PADI3: variants seen among roughly 807,000 people sequenced by gnomAD.
PADI3 encodes the protein protein-arginine deiminase type-3.
PADI3 carries 53 observed loss-of-function variants against 71.5 expected under a neutral mutation model. The observed-to-expected ratio is 0.74, with a 90% CI of 0.59 to 0.93. PADI3 has a LOEUF of 0.93. Ranked by LOEUF, PADI3 falls within the 40% of genes least tolerant of loss-of-function variation. The pLI, the probability that PADI3 is intolerant of heterozygous loss-of-function variation, is 0.00. For synonymous variants in PADI3, 361 were observed against 347.5 expected (o/e 1.04, Z -0.43); for missense variants, 821 against 868.0 (o/e 0.95, Z 0.68).
intron 4 of PADI3, 90 bp from the exon 5 acceptor site, chr1:17,266,629 G>A: frequency 2.0e-6 from 2 of 983,876 alleles, no homozygotes; most frequent in African/African-American, 1.6e-5. Context: ...TCACAGGGTT[G>A]GGTGGTTACA....
At chr1:17,264,622 T>C (rs2073142661) in intron 3 of PADI3, among the ~76,000 whole-genome samples, 1 of 152,214 alleles carries the variant, frequency 6.6e-6, no homozygotes. Flanking sequence ...TCATATCATG[T>C]ATGTTCTTTT....
chr1:17,266,719 C>G lies in PADI3; in HGVS notation c.409C>G (p.Arg137Gly), dbSNP rs139823890. 1 of 1,612,516 alleles carries G rather than the reference C, an allele frequency of 6.2e-7. No individual in the cohort carries two copies. The highest frequency in any genetic ancestry group is 1.3e-5 in the African/African-American group (1 of 75,006). The change falls in exon 5 of 16, where the codon CGG becomes GGG. Residue 137 changes from arginine to glycine, a missense_variant and splice_region_variant. Transcript: ENST00000375460. ...GRQDRNFVDK[R>G]QWVWGPSGYG... ...ACTGGCTATGTTTTGTCATTGGCAG[C>G]GGCAGTGGGTCTGGGGGCCCAGTGG...
chr1:17,280,194 C>G (rs1323570111), intron 13 of PADI3, among the ~76,000 whole-genome samples, 156 bp from the exon 14 acceptor site: 1 of 152,238 alleles, frequency 6.6e-6, no homozygotes, highest in Non-Finnish European at 1.5e-5. Context: ...CAAGCTCAGA[C>G]AGGTGGAACC....
intron 3 of PADI3, among the ~76,000 whole-genome samples, chr1:17,262,501 C>T (rs529742445): frequency 1.3e-5 from 2 of 152,146 alleles, no homozygotes; most frequent in African/African-American, 4.8e-5. Context: ...ACATAAACTC[C>T]GTGCAAGATG....
chr1:17,259,540 C>A, intron 1 of PADI3, 38 bp from the exon 2 acceptor site: 3 of 1,524,966 alleles, frequency 2.0e-6, no homozygotes, highest in Non-Finnish European at 2.6e-6. Context: ...CAAAATATAT[C>A]TCCTTCGGCA....
rs1461283106 is a variant in PADI3, at chr1:17,276,567, C to G, written c.1356C>G (p.Ala452=). Residue 452 remains alanine (A), a synonymous_variant, in exon 12 of 16, where the codon GCC becomes GCG. Transcript: ENST00000375460. ...VTQVVRDFLH[A]QKVQPPVELF... Reference sequence around the variant, plus strand: ...AGGTGGTGCGGGACTTCCTCCATGCCCAGAAGGTGCAGCCCCCCGTGGAGC... The same window carrying G: ...AGGTGGTGCGGGACTTCCTCCATGCGCAGAAGGTGCAGCCCCCCGTGGAGC... 4 of 1,614,120 alleles carry G rather than the reference C, an allele frequency of 2.5e-6. No homozygotes were observed. Among genetic ancestry groups the G allele is most frequent in the Non-Finnish European group, 3.4e-6 (4 of 1,180,026 alleles).
At chr1:17,251,038 C>G (rs1037009570) in intron 1 of PADI3, among the ~76,000 whole-genome samples, 1 of 152,182 alleles carries the variant, frequency 6.6e-6, no homozygotes, top group African/African-American at 2.4e-5. Context: ...GTGGCCAAAC[C>G]CCCCAGGGGT....
chr1:17,259,996 T>C (rs1363608481), intron 2 of PADI3, among the ~76,000 whole-genome samples: 1 of 152,166 alleles, frequency 6.6e-6, no homozygotes, highest in African/African-American at 2.4e-5. Context: ...TAAAATGGGA[T>C]AATCATAACC....
intron 3 of PADI3, among the ~76,000 whole-genome samples, chr1:17,264,642 G>A (rs1287500785): frequency 6.6e-6 from 1 of 152,096 alleles, no homozygotes; most frequent in Non-Finnish European, 1.5e-5. Context: ...TGCGTTGGGC[G>A]TCTTTTGCCC....
At chr1:17,271,269 A>G (rs2073247607) in intron 9 of PADI3, 91 bp downstream of exon 9, 3 of 1,081,770 alleles carry the variant, frequency 2.8e-6, no homozygotes, top group East Asian at 2.5e-5. Flanking sequence ...ATCCAGGAGG[A>G]CCTGGGTGCT....
intron 3 of PADI3, among the ~76,000 whole-genome samples, chr1:17,263,881 C>A (rs942427836): frequency 6.6e-6 from 1 of 152,150 alleles, no homozygotes; most frequent in South Asian, 2.1e-4. Flanking sequence ...CCTAAATGAG[C>A]ATTGCCAAGG....
At chr1:17,266,221 T>TA (rs1306306820) in intron 4 of PADI3, among the ~76,000 whole-genome samples, 2 of 152,252 alleles carry the variant, frequency 1.3e-5, no homozygotes, top group East Asian at 1.9e-4. Flanking sequence ...AGAAACCAAA[T>TA]ATGAAACTGT....
chr1:17,279,883 G>A (rs751010848), intron 13 of PADI3, among the ~76,000 whole-genome samples: 22 of 152,266 alleles, frequency 1.4e-4, no homozygotes, highest in African/African-American at 3.1e-4. Flanking sequence ...CCCATTTCAC[G>A]CAGTCACCCC....
chr1:17,281,345 A>C (rs1283119771), intron 15 of PADI3, among the ~76,000 whole-genome samples: 1 of 152,228 alleles, frequency 6.6e-6, no homozygotes, highest in Non-Finnish European at 1.5e-5. Context: ...CTTCCAGCCT[A>C]AGAGGTAGAA....
chr1:17,249,833 T>C (rs2977227), intron 1 of PADI3, among the ~76,000 whole-genome samples: 73,872 of 152,100 alleles, frequency 0.49, 18,300 homozygotes, highest in African/African-American at 0.58. Flanking sequence ...GCAAGCCATT[T>C]GCTCAAGTCA....
chr1:17,266,784 T>C lies in PADI3; in HGVS notation c.474T>C (p.Asp158=). The change falls in exon 5 of 16, where the codon GAT becomes GAC. Residue 158 remains aspartate, a synonymous_variant. Coordinates refer to ENST00000375460, the MANE Select transcript of PADI3 (RefSeq NM_016233.2). ...GILLVNCDRD[D]PSCDVQDNCD... is the part of the protein sequence containing the mutation. ...TGCTGGTGAACTGTGACCGTGATGA[T>C]CCGAGCTGTGATGTCCAGGACAATT... 1.2e-6 allele frequency: 2 copies of C among 1,614,110 alleles called. No individual in the cohort carries two copies. The highest frequency in any genetic ancestry group is 2.2e-5 in the South Asian group (2 of 91,080).
chr1:17,271,045 T>A (rs1457066397), intron 8 of PADI3, 22 bp from the exon 9 acceptor site: 1 of 1,613,658 alleles, frequency 6.2e-7, no homozygotes, highest in African/African-American at 1.3e-5. Context: ...CCTGAGCCCC[T>A]CTTCCCTGGG....
At chr1:17,256,220 T>C (rs1244354151) in intron 1 of PADI3, among the ~76,000 whole-genome samples, 1 of 152,164 alleles carries the variant, frequency 6.6e-6, no homozygotes, top group Non-Finnish European at 1.5e-5. Flanking sequence ...GCCAATGGTG[T>C]TGCAAGCCTT....
At chr1:17,269,357 G>A (rs2073214957) in intron 6 of PADI3, among the ~76,000 whole-genome samples, 1 of 152,096 alleles carries the variant, frequency 6.6e-6, no homozygotes. Context: ...TTCCACTGCT[G>A]TATAATATTC....
Sources: allele counts gnomAD v4.1 joint callset (sites outside exome capture counted in the v4.1 genomes callset), GRCh38; gene constraint gnomAD v4.1.1; transcripts MANE v1.5; gene names NCBI Gene and HGNC (gene_info 2026-07-23, HGNC 2026-07-21).